TPX2: variants seen among roughly 807,000 people sequenced by gnomAD.
TPX2 encodes targeting protein for Xklp2.
TPX2 carries 21 observed loss-of-function variants against 93.6 expected under a neutral mutation model. The observed-to-expected ratio is 0.22, with a 90% CI of 0.16 to 0.32. The LOEUF is 0.32. Among genes scored for constraint, TPX2 ranks in the 10% least tolerant of loss-of-function variants. The pLI, the probability that TPX2 is intolerant of heterozygous loss-of-function variation, is 1.00. For synonymous variants in TPX2, 281 were observed against 298.3 expected, an observed-to-expected ratio of 0.94 and a Z score of 0.60; for missense variants, 776 against 871.1, an observed-to-expected ratio of 0.89 and a Z score of 1.37.
intron 15 of TPX2, among the ~76,000 whole-genome samples, chr20:31,796,718 T>C (rs1330289644): frequency 2.0e-5 from 3 of 152,056 alleles, no homozygotes; most frequent in Non-Finnish European, 4.4e-5. Flanking sequence ...TTTTTTTTTT[T>C]TGGAGGTGGG....
chr20:31,753,055 A>G (rs756249014), intron 2 of TPX2, among the ~76,000 whole-genome samples: 2 of 152,230 alleles, frequency 1.3e-5, no homozygotes, highest in Non-Finnish European at 2.9e-5. Context: ...AGTTAAGCTT[A>G]ATAATGAAAG....
intron 3 of TPX2, among the ~76,000 whole-genome samples, chr20:31,758,022 GTGGT>G (rs2122981715): frequency 6.6e-6 from 1 of 151,824 alleles, no homozygotes; most frequent in African/African-American, 2.4e-5. Flanking sequence ...TAAGTTCTCT[GTGGT>G]TTTATCACCT....
intron 2 of TPX2, among the ~76,000 whole-genome samples, chr20:31,749,650 T>C (rs955195291): frequency 5.3e-5 from 8 of 151,584 alleles, no homozygotes; most frequent in African/African-American, 1.7e-4. Flanking sequence ...AAAAAATTAG[T>C]TGGGCATGGT....
intron 2 of TPX2, among the ~76,000 whole-genome samples, chr20:31,744,385 C>G: frequency 6.6e-6 from 1 of 151,716 alleles, no homozygotes; most frequent in East Asian, 2.0e-4. Flanking sequence ...GTCTCAAACT[C>G]CTGACCTCAT....
intron 15 of TPX2, 131 bp from the exon 16 acceptor site, chr20:31,797,273 T>TTTTA: frequency 1.3e-6 from 1 of 769,540 alleles, no homozygotes; most frequent in Non-Finnish European, 2.1e-6. Context: ...TGTGAAAGAT[T>TTTTA]TTTACTAGGG....
intron 12 of TPX2, among the ~76,000 whole-genome samples, chr20:31,791,648 T>C (rs1254643701): frequency 6.6e-6 from 1 of 152,198 alleles, no homozygotes; most frequent in Non-Finnish European, 1.5e-5. Context: ...GTGGACTACA[T>C]GCAGACAATG....
intron 10 of TPX2, among the ~76,000 whole-genome samples, chr20:31,779,410 A>C (rs1342064144): frequency 6.6e-6 from 1 of 152,232 alleles, no homozygotes; most frequent in East Asian, 1.9e-4. Context: ...AGGTATATAG[A>C]GGTAAATAAA....
chr20:31,799,295 A>G (rs1030901663), intron 17 of TPX2, among the ~76,000 whole-genome samples: 2 of 152,226 alleles, frequency 1.3e-5, no homozygotes, highest in African/African-American at 4.8e-5. Flanking sequence ...TAAAAAAAGA[A>G]AGGGTCATGG....
intron 2 of TPX2, among the ~76,000 whole-genome samples, chr20:31,755,928 G>A (rs2061848882): frequency 6.6e-6 from 1 of 152,172 alleles, no homozygotes; most frequent in African/African-American, 2.4e-5. Flanking sequence ...AAGATAGAGT[G>A]CAAAACTTCG....
chr20:31,757,082 A>C (rs987527860), intron 2 of TPX2, among the ~76,000 whole-genome samples: 18 of 152,016 alleles, frequency 1.2e-4, no homozygotes, highest in African/African-American at 4.4e-4. Flanking sequence ...ACTTAGAGAT[A>C]ATTTTAATTT....
At chr20:31,771,192 C>G (rs958353656) in intron 6 of TPX2, among the ~76,000 whole-genome samples, 3 of 152,104 alleles carry the variant, frequency 2.0e-5, no homozygotes, top group Non-Finnish European at 2.9e-5. Context: ...TTACTTGTAG[C>G]TTAGTGCGTT....
chr20:31,795,996 CCT>C (rs950328484), intron 15 of TPX2, among the ~76,000 whole-genome samples: 1 of 152,120 alleles, frequency 6.6e-6, no homozygotes, highest in Non-Finnish European at 1.5e-5. Context: ...ACGTTGGTCC[CCT>C]GTTAGTGTGG....
At chr20:31,794,585 T>A (rs747981193) in intron 15 of TPX2, 37 bp downstream of exon 15, 2 of 1,606,708 alleles carry the variant, frequency 1.2e-6, no homozygotes. Flanking sequence ...TGTTAATTGC[T>A]TGGTTGGTTG....
At chr20:31,781,229 T>G (rs1397218416) in intron 10 of TPX2, among the ~76,000 whole-genome samples, 4 of 151,886 alleles carry the variant, frequency 2.6e-5, no homozygotes, top group Non-Finnish European at 5.9e-5. Context: ...CAGGCTTTAC[T>G]TGGTCTTTAG....
chr20:31,776,927 T>C (rs1041983265), intron 8 of TPX2, among the ~76,000 whole-genome samples: 4 of 152,210 alleles, frequency 2.6e-5, no homozygotes, highest in Non-Finnish European at 4.4e-5. Flanking sequence ...TTTGTTGTTT[T>C]CCTATTTTTT....
At chr20:31,763,183 A>G (rs12625006) in intron 4 of TPX2, among the ~76,000 whole-genome samples, 19,887 of 151,876 alleles carry the variant, frequency 0.13, 1,702 homozygotes, top group East Asian at 0.4. Context: ...TGTGAATTTT[A>G]GGTTTTTTTT....
At chr20:31,776,258 T>C (rs1002366609) in intron 8 of TPX2, among the ~76,000 whole-genome samples, 1 of 151,108 alleles carries the variant, frequency 6.6e-6, no homozygotes, top group Non-Finnish European at 1.5e-5. Context: ...TTTTTTGTAT[T>C]TTTAGTAGAG....
intron 5 of TPX2, 78 bp from the exon 6 acceptor site, chr20:31,770,265 C>A: frequency 9.4e-7 from 1 of 1,060,996 alleles, no homozygotes; most frequent in African/African-American, 1.6e-5. Context: ...GTTTGACATC[C>A]TTTCACATTT....
intron 15 of TPX2, among the ~76,000 whole-genome samples, chr20:31,795,628 G>C (rs747781313): frequency 6.6e-6 from 1 of 152,220 alleles, no homozygotes; most frequent in Non-Finnish European, 1.5e-5. Flanking sequence ...GTTTCTTTAA[G>C]ATCTTATCTA....
Sources: allele counts gnomAD v4.1 joint callset (sites outside exome capture counted in the v4.1 genomes callset), GRCh38; gene constraint gnomAD v4.1.1; transcripts MANE v1.5; gene names NCBI Gene and HGNC (gene_info 2026-07-23, HGNC 2026-07-21).